Variants in CNR2 observed in about 807,000 individuals in gnomAD.
CNR2 encodes the protein cannabinoid receptor 2, also known as cannabinoid receptor 2 (macrophage).
For synonymous variants in CNR2, 172 were observed against 182.2 expected (o/e 0.94, Z 0.45); for missense variants, 379 against 439.9 (o/e 0.86, Z 1.24).
chr1:23,907,041 A>G (rs967009886), intron 1 of CNR2: 2 of 151,970 alleles, frequency 1.3e-5, no homozygotes, highest in African/African-American at 4.8e-5. Context: ...AATGTTGTGA[A>G]GTAGTAGGAT....
chr1:23,899,913 G>C lies in CNR2; in HGVS notation c.-46+13333C>G, dbSNP rs1640363279. Among the ~76,000 whole-genome samples the C allele has an allele frequency of 5.4e-3, 16 of 2,966 alleles. No individual in the cohort carries two copies. In the South Asian group the frequency reaches 0.42, roughly 78 times the overall value. The allele number at this position is 2,966 out of a possible 152,430, so 1.9% of individuals were successfully genotyped here. A position where few individuals can be genotyped will look rare whatever the true frequency, so the allele number is the denominator to read the frequency against. Reference sequence around the variant, plus strand: ...AGAAAGAGAAAGAAAGAAAGAGAAAGAAAGAAAGAGAAAGAAAGAGAAAGA... The same window carrying C: ...AGAAAGAGAAAGAAAGAAAGAGAAACAAAGAAAGAGAAAGAAAGAGAAAGA... On this transcript the variant is annotated intron_variant, in intron 1 of 1. Transcript: ENST00000374472.
At chr1:23,908,031 G>C (rs1640525540) in intron 1 of CNR2, 1 of 124,914 alleles carries the variant, frequency 8.0e-6, no homozygotes, top group Non-Finnish European at 1.6e-5. Flanking sequence ...CTGTTACCAG[G>C]CTGCAGTGGC....
At chr1:23,893,139 G>A (rs904002463) in intron 1 of CNR2, among the ~76,000 whole-genome samples, 2 of 152,184 alleles carry the variant, frequency 1.3e-5, no homozygotes, top group Non-Finnish European at 2.9e-5. Flanking sequence ...AGTCTTCCCT[G>A]TGGGGCCGAA....
At chr1:23,881,320 G>A (rs189799924) in intron 1 of CNR2, among the ~76,000 whole-genome samples, 2 of 152,008 alleles carry the variant, frequency 1.3e-5, no homozygotes, top group African/African-American at 4.8e-5. Flanking sequence ...TTACTGGTTG[G>A]GCATGGTGGC....
At chr1:23,881,288 T>C (rs966428857) in intron 1 of CNR2, among the ~76,000 whole-genome samples, 3 of 149,074 alleles carry the variant, frequency 2.0e-5, no homozygotes, top group African/African-American at 7.4e-5. Context: ...AAAATATATG[T>C]AATAATAATA....
chr1:23,876,865 A>C (rs1326027455), intron 1 of CNR2, among the ~76,000 whole-genome samples: 2 of 151,938 alleles, frequency 1.3e-5, no homozygotes, highest in African/African-American at 4.8e-5. Flanking sequence ...GATGAATGTC[A>C]ATAAGAAGTA....
chr1:23,890,277 AAAG>A (rs1640164030), intron 1 of CNR2, among the ~76,000 whole-genome samples: 3 of 149,840 alleles, frequency 2.0e-5, no homozygotes, highest in South Asian at 2.1e-4. Flanking sequence ...AAAAAAAAGA[AAAG>A]AAAAGAAAAG....
intron 1 of CNR2, chr1:23,901,750 C>G: frequency 2.1e-6 from 3 of 1,432,674 alleles, no homozygotes; most frequent in South Asian, 1.1e-5. Context: ...CTACCCCAAG[C>G]CTCTTGAGCT....
intron 1 of CNR2, among the ~76,000 whole-genome samples, chr1:23,889,163 C>T (rs1466473852): frequency 2.0e-5 from 3 of 152,088 alleles, no homozygotes; most frequent in Admixed American, 6.6e-5. Context: ...GGAAGGGAAA[C>T]TTGGGACCTG....
chr1:23,881,718 G>T (rs1327181973), intron 1 of CNR2, among the ~76,000 whole-genome samples: 1 of 150,356 alleles, frequency 6.7e-6, no homozygotes, highest in Admixed American at 6.6e-5. Flanking sequence ...AAGAAACCTC[G>T]TCTCTACTAA....
intron 1 of CNR2, among the ~76,000 whole-genome samples, chr1:23,880,807 C>T (rs978758826): frequency 4.7e-5 from 7 of 150,402 alleles, no homozygotes; most frequent in Non-Finnish European, 7.4e-5. Flanking sequence ...CCTGACCTCA[C>T]GTAAAGTGCT....
At chr1:23,882,109 G>C (rs1340701259) in intron 1 of CNR2, among the ~76,000 whole-genome samples, 1 of 151,896 alleles carries the variant, frequency 6.6e-6, no homozygotes, top group Non-Finnish European at 1.5e-5. Flanking sequence ...TTTTAGTAGA[G>C]ATGGGGTTTC....
intron 1 of CNR2, among the ~76,000 whole-genome samples, chr1:23,881,579 G>T (rs1458451881): frequency 7.1e-6 from 1 of 140,552 alleles, no homozygotes; most frequent in African/African-American, 2.7e-5. Context: ...GTGAAACCCT[G>T]TCTCAAAAAA....
intron 1 of CNR2, among the ~76,000 whole-genome samples, chr1:23,894,465 G>C (rs1320839959): frequency 3.4e-4 from 2 of 5,798 alleles, no homozygotes; most frequent in African/African-American, 7.6e-4. Context: ...AGGAAGGAAG[G>C]AAGCAAGGAA....
intron 1 of CNR2, among the ~76,000 whole-genome samples, chr1:23,898,280 G>C (rs1302467542): frequency 8.1e-5 from 12 of 147,756 alleles, no homozygotes; most frequent in Non-Finnish European, 1.8e-4. Flanking sequence ...CTTGTGATCC[G>C]CCCGCCTCAG....
intron 1 of CNR2, among the ~76,000 whole-genome samples, chr1:23,888,130 C>T (rs574429787): frequency 6.6e-6 from 1 of 152,286 alleles, no homozygotes; most frequent in Admixed American, 6.5e-5. Flanking sequence ...TTTCTTTGTC[C>T]TGGGCTCAGA....
intron 1 of CNR2, among the ~76,000 whole-genome samples, chr1:23,883,149 A>G (rs1054187177): frequency 1.3e-5 from 2 of 152,224 alleles, no homozygotes; most frequent in African/African-American, 2.4e-5. Flanking sequence ...CGTAACCTCA[A>G]TAGTAGACAG....
intron 1 of CNR2, among the ~76,000 whole-genome samples, chr1:23,903,970 C>T (rs779624095): frequency 1.3e-5 from 2 of 152,158 alleles, no homozygotes; most frequent in Admixed American, 6.6e-5. Flanking sequence ...CTGGCTCCTG[C>T]GGCTTTCTCC....
chr1:23,909,968 C>CT (rs1173757745), intron 1 of CNR2, among the ~76,000 whole-genome samples: 2,607 of 142,844 alleles, frequency 0.018, 78 homozygotes, highest in African/African-American at 0.061. Flanking sequence ...CTCTCTCCTT[C>CT]TTTTTTTTTT....
Sources: gnomAD v4.1 joint callset for allele counts (sites outside exome capture counted in the v4.1 genomes callset) on GRCh38, gnomAD v4.1.1 for gene constraint, MANE v1.5 for transcripts, NCBI Gene and HGNC (gene_info 2026-07-23, HGNC 2026-07-21) for gene names.